SLC33A1: variants seen among roughly 807,000 people sequenced by gnomAD.
The protein encoded by SLC33A1 is solute carrier family 33 member 1.
SLC33A1 carries 20 observed loss-of-function variants against 50.0 expected under a neutral mutation model. The observed-to-expected ratio is 0.40, with a 90% CI of 0.28 to 0.58. The LOEUF (loss-of-function observed/expected upper bound fraction) is 0.58. Among genes scored for constraint, SLC33A1 ranks in the 20% least tolerant of loss-of-function variants. The probability of loss-of-function intolerance (pLI) is 0.44; values close to 1 mark genes in which losing one functional copy is unlikely to be tolerated. For missense variants in SLC33A1, 476 were observed against 657.0 expected, an observed-to-expected ratio of 0.72 and a Z score of 3.01; for synonymous variants, 265 against 251.8, an observed-to-expected ratio of 1.05 and a Z score of -0.50.
chr3:155,838,644 GCA>G lies in SLC33A1; in HGVS notation c.963+3786_963+3787del, dbSNP rs534037214. On this transcript the variant is annotated intron_variant, in intron 2 of 5. Transcript: ENST00000643144. Reference sequence around the variant, plus strand: ...TGCAGTGAGCAGAGATCCCACCACTGCACTCCAGCTTGGGCAACAGAGAGAGA... The same window carrying G: ...TGCAGTGAGCAGAGATCCCACCACTGCTCCAGCTTGGGCAACAGAGAGAGA... Among the ~76,000 whole-genome samples, 1,029 of 146,810 alleles carry G rather than the reference GCA, an allele frequency of 7.0e-3. 20 individuals carry two copies. Among genetic ancestry groups the G allele is most frequent in the African/African-American group, 0.025 (964 of 39,294 alleles).
At chr3:155,846,775 A>G (rs1029119722) in intron 1 of SLC33A1, among the ~76,000 whole-genome samples, 20 of 151,844 alleles carry the variant, frequency 1.3e-4, no homozygotes, top group Non-Finnish European at 2.8e-4. Context: ...TAAACTGACT[A>G]CTTGTATTCC....
At chr3:155,839,842 G>A (rs1380415387) in intron 2 of SLC33A1, among the ~76,000 whole-genome samples, 1 of 151,574 alleles carries the variant, frequency 6.6e-6, no homozygotes, top group African/African-American at 2.4e-5. Context: ...CAGCTACTCG[G>A]GAGGCTGAGG....
At chr3:155,829,429 AG>A (rs1372962251) in intron 5 of SLC33A1, among the ~76,000 whole-genome samples, 2 of 152,192 alleles carry the variant, frequency 1.3e-5, no homozygotes, top group Non-Finnish European at 2.9e-5. Context: ...CCTGCTGTGT[AG>A]GACAGTGATC....
chr3:155,853,700 GC>G lies in SLC33A1; in HGVS notation c.297del (p.Leu99PhefsTer53). ...LGLAGSIPLI[L>X]QSKNVSYTDQ... The stretch of plus-strand genomic sequence containing the variant: ...TCTGTATAGCTAACATTTTTGCTTT[GC>G]AAAATGAGTGGGATGCTTCCCGCCA... On this transcript the variant is annotated frameshift_variant, in exon 1 of 6. Coordinates refer to ENST00000643144, the MANE Select transcript of SLC33A1 (RefSeq NM_004733.4). LOFTEE classifies it high-confidence loss of function. 6.2e-7 allele frequency: 1 copy of G among 1,614,148 alleles called. No individual in the cohort carries two copies. Among genetic ancestry groups the G allele is most frequent in the Non-Finnish European group, 8.5e-7 (1 of 1,180,022 alleles).
chr3:155,842,685 C>A (rs1752980054), intron 1 of SLC33A1, 66 bp from the exon 2 acceptor site: 1 of 846,088 alleles, frequency 1.2e-6, no homozygotes, highest in Non-Finnish European at 1.8e-6. Context: ...CTAAATAATT[C>A]TATATACAAT....
At chr3:155,842,828 G>A (rs1432641475) in intron 1 of SLC33A1, 2 of 340,032 alleles carry the variant, frequency 5.9e-6, no homozygotes, top group Non-Finnish European at 1.1e-5. Flanking sequence ...GGGCAACATA[G>A]TGGGACCCTA....
In SLC33A1 at chr3:155,827,221, T is replaced by G. The variant is rs1373295748; in HGVS notation, c.*989A>C. Reference sequence around the variant, plus strand: ...TTGTCAAAGGCACAAAATATCTTTGTCTCTCTCTTTAAAGTATTAGTTTTT... The same window carrying G: ...TTGTCAAAGGCACAAAATATCTTTGGCTCTCTCTTTAAAGTATTAGTTTTT... On this transcript the variant is annotated 3_prime_UTR_variant, in exon 6 of 6. Coordinates refer to ENST00000643144, the MANE Select transcript of SLC33A1 (RefSeq NM_004733.4). 1.3e-5 allele frequency: 2 copies of G among 152,220 alleles called. No homozygotes were observed. The highest frequency in any genetic ancestry group is 2.4e-5 in the African/African-American group (1 of 41,460). The allele number at this position is 152,220 out of a possible 1,614,324, so 9.4% of individuals were successfully genotyped here.
At position 155,825,700 on chromosome 3, in the gene SLC33A1, G is replaced by A. The variant is rs576827054; in HGVS notation, c.*2510C>T. 126 of 152,248 alleles carry A rather than the reference G, an allele frequency of 8.3e-4. No homozygotes were observed. The highest frequency in any genetic ancestry group is 2.9e-3 in the African/African-American group (120 of 41,540). 9.4% of individuals were successfully genotyped at this position (152,248 alleles called of 1,614,324 possible). ...GAGATACTGACATAGAGAGAAAAAT[G>A]TTCAATCTAATATTAGCCAGTAAAC... On this transcript the variant is annotated 3_prime_UTR_variant, in exon 6 of 6. Coordinates refer to ENST00000643144, the MANE Select transcript of SLC33A1 (RefSeq NM_004733.4).
intron 1 of SLC33A1, among the ~76,000 whole-genome samples, chr3:155,846,704 C>T (rs1053595381): frequency 1.3e-5 from 2 of 151,668 alleles, no homozygotes; most frequent in Non-Finnish European, 2.9e-5. Flanking sequence ...CCACCCACCT[C>T]GGCCTCCCAA....
chr3:155,832,387 A>G (rs561953782), intron 4 of SLC33A1, among the ~76,000 whole-genome samples: 31 of 152,188 alleles, frequency 2.0e-4, no homozygotes, highest in Non-Finnish European at 3.7e-4. Flanking sequence ...TCAAAAAAAA[A>G]AAATCTCATT....
intron 2 of SLC33A1, among the ~76,000 whole-genome samples, chr3:155,837,458 CA>C (rs1373901044): frequency 6.6e-6 from 1 of 150,722 alleles, no homozygotes; most frequent in Non-Finnish European, 1.5e-5. Flanking sequence ...AAAATTGGAA[CA>C]ACCACTTTGG....
intron 4 of SLC33A1, among the ~76,000 whole-genome samples, 175 bp from the exon 5 acceptor site, chr3:155,830,078 T>C (rs529462195): frequency 6.6e-6 from 1 of 152,002 alleles, no homozygotes; most frequent in Non-Finnish European, 1.5e-5. Context: ...ATCACAGCAA[T>C]ACAGGCCGGG....
chr3:155,835,370 G>A (rs1273276670), intron 2 of SLC33A1, among the ~76,000 whole-genome samples: 1 of 152,188 alleles, frequency 6.6e-6, no homozygotes, highest in African/African-American at 2.4e-5. Context: ...GGCAGATAGT[G>A]AGGGCAAAAG....
chr3:155,841,179 C>T (rs1306840356), intron 2 of SLC33A1, among the ~76,000 whole-genome samples: 1 of 152,086 alleles, frequency 6.6e-6, no homozygotes, highest in East Asian at 1.9e-4. Flanking sequence ...TGTCTTCCTA[C>T]TTCAGCTTCC....
At chr3:155,837,991 A>G (rs1752758964) in intron 2 of SLC33A1, among the ~76,000 whole-genome samples, 1 of 152,148 alleles carries the variant, frequency 6.6e-6, no homozygotes. Flanking sequence ...TCATTGACCC[A>G]CTAATTGCCT....
At chr3:155,847,199 C>T (rs957804243) in intron 1 of SLC33A1, among the ~76,000 whole-genome samples, 5 of 151,566 alleles carry the variant, frequency 3.3e-5, no homozygotes, top group African/African-American at 2.4e-5. Context: ...CATGGCAAGA[C>T]GCTGTCTCAA....
intron 2 of SLC33A1, among the ~76,000 whole-genome samples, chr3:155,836,066 C>T (rs372088081): frequency 5.1e-4 from 77 of 151,158 alleles, no homozygotes; most frequent in African/African-American, 1.7e-3. Flanking sequence ...GGGTGGATCA[C>T]GAGGTCAGGA....
In SLC33A1 at chr3:155,833,916, G is replaced by T. The variant is rs780161061; in HGVS notation, c.1089C>A (p.Ile363=). ...VPLQIILPLI[I]SKYTAGPQPL... Reference sequence around the variant, plus strand: ...GCTGGGGACCTGCAGTGTATTTGCTGATAATCAGAGGCAGTATTATCTGCA... The same window carrying T: ...GCTGGGGACCTGCAGTGTATTTGCTTATAATCAGAGGCAGTATTATCTGCA... Residue 363 remains isoleucine (I), a synonymous_variant, in exon 3 of 6, where the codon ATC becomes ATA. Coordinates refer to ENST00000643144, the MANE Select transcript of SLC33A1 (RefSeq NM_004733.4). 6 of 1,613,864 alleles carry T rather than the reference G, an allele frequency of 3.7e-6. No individual in the cohort carries two copies. In the Middle Eastern group the frequency reaches 8.3e-4, roughly 222 times the overall value.
chr3:155,836,704 C>T (rs1405083071), intron 2 of SLC33A1, among the ~76,000 whole-genome samples: 6 of 152,044 alleles, frequency 3.9e-5, no homozygotes, highest in Non-Finnish European at 8.8e-5. Flanking sequence ...CAAGACCAGT[C>T]TGGACATCAT....
Sources: allele counts gnomAD v4.1 joint callset (sites outside exome capture counted in the v4.1 genomes callset), GRCh38; gene constraint gnomAD v4.1.1; transcripts MANE v1.5; gene names NCBI Gene and HGNC (gene_info 2026-07-23, HGNC 2026-07-21).